The following NUP93 variants were observed in gnomAD, a reference collection of about 807,000 sequenced individuals.
NUP93 encodes nuclear pore complex protein Nup93.
A neutral mutation model predicts 107.8 loss-of-function variants in NUP93; 55 were observed. That is an observed-to-expected ratio of 0.51 (90% CI 0.41 to 0.64). The LOEUF is 0.64. NUP93 is among the 30% of genes least tolerant of loss of function. NUP93 has a pLI of 0.00. For synonymous variants in NUP93, 390 were observed against 397.5 expected (o/e 0.98, Z 0.22); for missense variants, 937 against 1,044.7 (o/e 0.90, Z 1.42).
At chr16:56,751,413 A>G (rs1961917220) in intron 2 of NUP93, among the ~76,000 whole-genome samples, 1 of 152,196 alleles carries the variant, frequency 6.6e-6, no homozygotes, top group South Asian at 2.1e-4. Context: ...TACACGCATT[A>G]TATAATTTCT....
intron 5 of NUP93, among the ~76,000 whole-genome samples, chr16:56,811,388 A>T (rs72786721): frequency 0.059 from 8,925 of 152,266 alleles, 332 homozygotes; most frequent in African/African-American, 0.1. Context: ...CTTCACATGG[A>T]CAGACACCTT....
intron 1 of NUP93, among the ~76,000 whole-genome samples, chr16:56,732,308 T>A (rs1407311724): frequency 2.0e-5 from 3 of 152,234 alleles, no homozygotes; most frequent in African/African-American, 7.2e-5. Flanking sequence ...ACACAGTAGG[T>A]GCTCAAAAAA....
chr16:56,760,357 C>G (rs1186696411), intron 3 of NUP93, among the ~76,000 whole-genome samples: 1 of 152,150 alleles, frequency 6.6e-6, no homozygotes, highest in Non-Finnish European at 1.5e-5. Context: ...GTGATACCCC[C>G]TGTATTTGGC....
intron 7 of NUP93, among the ~76,000 whole-genome samples, chr16:56,822,701 C>T (rs1963573661): frequency 6.6e-6 from 1 of 151,804 alleles, no homozygotes; most frequent in Non-Finnish European, 1.5e-5. Flanking sequence ...GCTGGGACTA[C>T]AGGCACCTGC....
intron 20 of NUP93, 176 bp downstream of exon 20, chr16:56,839,780 A>C (rs547165072): frequency 3.3e-6 from 2 of 597,908 alleles, no homozygotes; most frequent in East Asian, 2.9e-5. Context: ...GAGTGCATAC[A>C]TCCCCATCAG....
intron 3 of NUP93, among the ~76,000 whole-genome samples, chr16:56,771,598 A>T (rs59967964): frequency 0.2 from 30,958 of 152,116 alleles, 3,409 homozygotes; most frequent in Middle Eastern, 0.33. Context: ...AGCACGAAAG[A>T]CTTGCTGGTT....
chr16:56,823,913 T>G, intron 8 of NUP93, 67 bp downstream of exon 8: 1 of 1,572,096 alleles, frequency 6.4e-7, no homozygotes, highest in Admixed American at 1.7e-5. Context: ...TCTCAGATCT[T>G]AAGTTGTCCT....
At chr16:56,829,914 A>T (rs2094735292) in intron 9 of NUP93, among the ~76,000 whole-genome samples, 1 of 152,184 alleles carries the variant, frequency 6.6e-6, no homozygotes, top group African/African-American at 2.4e-5. Flanking sequence ...CTTCTGGAGG[A>T]GTTGAAGAAA....
chr16:56,823,759 C>T lies in NUP93; in HGVS notation c.707C>T (p.Thr236Ile). 1 of 1,614,188 alleles carries T rather than the reference C, an allele frequency of 6.2e-7. No individual in the cohort carries two copies. The highest frequency in any genetic ancestry group is 8.5e-7 in the Non-Finnish European group (1 of 1,180,022). Residue 236 changes from threonine to isoleucine, a missense_variant, in exon 8 of 22, where the codon ACA becomes ATA. By Grantham distance (89) the Thr-to-Ile change is moderately conservative. Coordinates refer to ENST00000308159, the MANE Select transcript of NUP93 (RefSeq NM_014669.5). ...AAACAAATGACAGACGTGTTGTTGA[C>T]ACCGGCAACGGATGCCCTGAAGAAC... ...MVKQMTDVLL[T>I]PATDALKNRS...
chr16:56,841,623 G>A, intron 20 of NUP93, 82 bp from the exon 21 acceptor site: 1 of 1,548,976 alleles, frequency 6.5e-7, no homozygotes, highest in Non-Finnish European at 8.7e-7. Context: ...AGGCCTGCCT[G>A]GAGCAGCCCA....
chr16:56,837,283 C>T (rs551654920), intron 17 of NUP93, among the ~76,000 whole-genome samples: 1 of 152,326 alleles, frequency 6.6e-6, no homozygotes, highest in Non-Finnish European at 1.5e-5. Context: ...CAGCTATAGG[C>T]CAAGTGCAGG....
chr16:56,741,056 A>G (rs1397963093), intron 1 of NUP93, among the ~76,000 whole-genome samples: 1 of 149,780 alleles, frequency 6.7e-6, no homozygotes, highest in African/African-American at 2.5e-5. Context: ...CTTTTGAATC[A>G]CACCTTCATT....
intron 5 of NUP93, among the ~76,000 whole-genome samples, chr16:56,809,116 T>C (rs1292638676): frequency 6.6e-6 from 1 of 152,200 alleles, no homozygotes; most frequent in African/African-American, 2.4e-5. Context: ...GAGAGGGATT[T>C]TGAGGCTACA....
intron 1 of NUP93, among the ~76,000 whole-genome samples, chr16:56,744,002 C>G (rs1323134281): frequency 6.6e-6 from 1 of 152,176 alleles, no homozygotes; most frequent in Non-Finnish European, 1.5e-5. Flanking sequence ...GGCTTAGTCA[C>G]TGCTGTCATA....
intron 3 of NUP93, among the ~76,000 whole-genome samples, chr16:56,766,473 T>A (rs1278213900): frequency 6.6e-6 from 1 of 152,220 alleles, no homozygotes; most frequent in Non-Finnish European, 1.5e-5. Flanking sequence ...AATTGCTCGG[T>A]TGCAGGAACC....
chr16:56,835,976 A>C (rs1963901001), intron 16 of NUP93, among the ~76,000 whole-genome samples: 1 of 152,022 alleles, frequency 6.6e-6, no homozygotes, highest in Non-Finnish European at 1.5e-5. Context: ...AAAATACAAA[A>C]AAATTAGCCA....
intron 1 of NUP93, among the ~76,000 whole-genome samples, chr16:56,744,095 C>G (rs1366003658): frequency 6.6e-6 from 1 of 152,160 alleles, no homozygotes; most frequent in Non-Finnish European, 1.5e-5. Flanking sequence ...GCTCCGGGTC[C>G]TGCTTCCGTG....
chr16:56,833,163 G>A, intron 12 of NUP93, 52 bp from the exon 13 acceptor site: 3 of 1,508,184 alleles, frequency 2.0e-6, no homozygotes, highest in Non-Finnish European at 2.7e-6. Context: ...GGCCACCAGT[G>A]AGCCCCTTCT....
intron 1 of NUP93, chr16:56,740,572 T>G (rs1961713705): frequency 5.7e-6 from 1 of 174,238 alleles, no homozygotes; most frequent in African/African-American, 2.5e-5. Context: ...GCTCCTCACA[T>G]CCCAGACGAT....
Sources: gnomAD v4.1 joint callset for allele counts (sites outside exome capture counted in the v4.1 genomes callset) on GRCh38, gnomAD v4.1.1 for gene constraint, MANE v1.5 for transcripts, NCBI Gene and HGNC (gene_info 2026-07-23, HGNC 2026-07-21) for gene names.